FGB: variants seen among roughly 807,000 people sequenced by gnomAD.
The protein encoded by FGB is beta-fibrinogen.
FGB carries 25 observed loss-of-function variants against 57.9 expected under a neutral mutation model. The observed-to-expected ratio is 0.43, with a 90% CI of 0.31 to 0.60. FGB has a LOEUF of 0.60. Ranked by LOEUF, FGB falls within the 20% of genes least tolerant of loss-of-function variation. The pLI, the probability that FGB is intolerant of heterozygous loss-of-function variation, is 0.08. For missense variants in FGB, 536 were observed against 598.4 expected (o/e 0.90, Z 1.09); for synonymous variants, 203 against 199.2 (o/e 1.02, Z -0.16).
chr4:154,569,337 T>A (rs759391982), intron 6 of FGB, 30 bp downstream of exon 6: 1 of 1,613,638 alleles, frequency 6.2e-7, no homozygotes, highest in South Asian at 1.1e-5. Flanking sequence ...AATAAAATCA[T>A]TCTATTTGAA....
At chr4:154,567,295 A>G (rs1304211416) in intron 3 of FGB, among the ~76,000 whole-genome samples, 4 of 152,222 alleles carry the variant, frequency 2.6e-5, no homozygotes, top group Non-Finnish European at 5.9e-5. Context: ...GAAGACCCCA[A>G]TACTGCTTTC....
intron 5 of FGB, among the ~76,000 whole-genome samples, chr4:154,568,696 AT>A (rs1254004033): frequency 3.5e-4 from 24 of 67,818 alleles, no homozygotes; most frequent in African/African-American, 1.1e-3. Flanking sequence ...AAAAAAAAAA[AT>A]ACCAAAAAAA....
intron 7 of FGB, among the ~76,000 whole-genome samples, chr4:154,570,186 G>A (rs1441143857): frequency 6.6e-6 from 1 of 152,128 alleles, no homozygotes; most frequent in African/African-American, 2.4e-5. Flanking sequence ...TATTATTCCA[G>A]TATAAAGTAA....
intron 5 of FGB, among the ~76,000 whole-genome samples, chr4:154,568,856 C>CA (rs35554458): frequency 0.25 from 36,820 of 145,128 alleles, 5,898 homozygotes; most frequent in African/African-American, 0.45. Context: ...GATCCTGTCT[C>CA]AAAAAAAAAA....
Position 154,569,716 on chromosome 4 carries a change from A to T in FGB, c.1161A>T (p.Ala387=). Residue 387 remains alanine, a synonymous_variant, in exon 7 of 8, where the codon GCA becomes GCT. Transcript: ENST00000302068. ...CCGGTAATGCCCTCATGGATGGAGCATCTCAGCTGATGGGAGAAAACAGGA... is the reference window on the plus strand; with the variant it reads ...CCGGTAATGCCCTCATGGATGGAGCTTCTCAGCTGATGGGAGAAAACAGGA... ...GTAGNALMDG[A]SQLMGENRTM... 3 of 1,614,146 alleles carry T rather than the reference A, an allele frequency of 1.9e-6. No homozygotes were observed. The highest frequency in any genetic ancestry group is 2.5e-6 in the Non-Finnish European group (3 of 1,180,012).
Position 154,571,070 on chromosome 4 carries a change from A to G in FGB, c.*420A>G. The G allele has an allele frequency of 3.5e-6, 1 of 286,102 alleles. No individual in the cohort carries two copies. The highest frequency in any genetic ancestry group is 6.7e-6 in the Non-Finnish European group (1 of 149,256). 17.7% of individuals were successfully genotyped at this position (286,102 alleles called of 1,614,324 possible). ...TCCAAAAAGATTTATTAATTAAACC[A>G]GACTCTGTTGCAATAAGTTAATGTT... On this transcript the variant is annotated 3_prime_UTR_variant, in exon 8 of 8. Transcript: ENST00000302068.
chr4:154,565,458 C>G (rs565200876), intron 1 of FGB: 1 of 299,978 alleles, frequency 3.3e-6, no homozygotes, highest in Non-Finnish European at 6.5e-6. Context: ...ATCCAAGTGG[C>G]TTGAGAATAT....
At chr4:154,570,355 C>G (rs1302189589) in intron 7 of FGB, 64 bp from the exon 8 acceptor site, 7 of 1,252,312 alleles carry the variant, frequency 5.6e-6, no homozygotes, top group Admixed American at 1.8e-5. Context: ...TATGGGTAAT[C>G]TGCAAAACGT....
chr4:154,571,232 G>A lies in FGB; in HGVS notation c.*582G>A, dbSNP rs1310172907. 5 of 175,036 alleles carry A rather than the reference G, an allele frequency of 2.9e-5. No homozygotes were observed. The highest frequency in any genetic ancestry group is 5.7e-5 in the Admixed American group (1 of 17,654). The allele number at this position is 175,036 out of a possible 1,614,324, so 10.8% of individuals were successfully genotyped here. A position where few individuals can be genotyped will look rare whatever the true frequency, so the allele number is the denominator to read the frequency against. On this transcript the variant is annotated 3_prime_UTR_variant, in exon 8 of 8. Coordinates refer to ENST00000302068, the MANE Select transcript of FGB (RefSeq NM_005141.5). The stretch of plus-strand genomic sequence containing the variant: ...TAAAATCTGACTCTAGGACGGGCAC[G>A]GTGGCTCACGACTATAATCCCAACA...
intron 5 of FGB, 129 bp downstream of exon 5, chr4:154,568,623 A>C (rs1730274508): frequency 1.5e-6 from 1 of 665,030 alleles, no homozygotes; most frequent in African/African-American, 1.8e-5. Flanking sequence ...AAGTGGGCTG[A>C]TAGCTTGAGC....
At chr4:154,565,227 C>G (rs779939723) in intron 1 of FGB, 7 of 464,124 alleles carry the variant, frequency 1.5e-5, no homozygotes, top group Non-Finnish European at 3.1e-5. Flanking sequence ...TGCCCAAGGT[C>G]TCATAGCTGT....
rs372503293 is a variant in FGB, at chr4:154,571,303, C to A, written c.*653C>A. Among the ~76,000 whole-genome samples, 2 of 151,982 alleles carry A rather than the reference C, an allele frequency of 1.3e-5. No homozygotes were observed. Among genetic ancestry groups the A allele is most frequent in the African/African-American group, 2.4e-5 (1 of 41,360 alleles). ...CGGTCACAAGGTCAGGAGTTCAAGA[C>A]CAGCCTGACCAATATGGTGAAACCC... On this transcript the variant is annotated 3_prime_UTR_variant, in exon 8 of 8. Transcript: ENST00000302068.
At chr4:154,566,400 C>T (rs1054813880) in intron 2 of FGB, 89 bp from the exon 3 acceptor site, 31 of 1,196,294 alleles carry the variant, frequency 2.6e-5, no homozygotes, top group Admixed American at 3.4e-5. Flanking sequence ...GTTGGCTAAT[C>T]GTATCGCTGA....
At chr4:154,567,453 A>G (rs1730205972) in intron 3 of FGB, 140 bp from the exon 4 acceptor site, 1 of 650,872 alleles carries the variant, frequency 1.5e-6, no homozygotes, top group East Asian at 2.7e-5. Flanking sequence ...TTTCCACTAA[A>G]TATGACTATA....
rs1240941588 is a variant in FGB, at chr4:154,571,772, C to T, written c.*1122C>T. On this transcript the variant is annotated 3_prime_UTR_variant, in exon 8 of 8. Transcript: ENST00000302068. ...GGCATATCATCTCAACACTTCACTC[C>T]AAGTCGCCACGGGCAACCTTATGAC... Among the ~76,000 whole-genome samples, 3 of 152,280 alleles carry T rather than the reference C, an allele frequency of 2.0e-5. No individual in the cohort carries two copies. The East Asian group carries it at 5.8e-4, about 29-fold the overall frequency.
At chr4:154,569,115 A>G (rs765368926) in intron 5 of FGB, 67 bp from the exon 6 acceptor site, 7 of 1,544,602 alleles carry the variant, frequency 4.5e-6, no homozygotes, top group Non-Finnish European at 5.4e-6. Context: ...GGATTCAGAT[A>G]TTATTTTCAA....
chr4:154,572,029 C>T lies in FGB; in HGVS notation c.*1379C>T, dbSNP rs1031571418. Among the ~76,000 whole-genome samples, 1 of 152,152 alleles carries T rather than the reference C, an allele frequency of 6.6e-6. No homozygotes were observed. The highest frequency in any genetic ancestry group is 2.4e-5 in the African/African-American group (1 of 41,420). On this transcript the variant is annotated 3_prime_UTR_variant, in exon 8 of 8. Transcript: ENST00000302068. ...CCATACTCACCTACCGCTTTGCCAT[C>T]ACATTTAACAGAAAACTCTTATCAA...
intron 2 of FGB, 21 bp from the exon 3 acceptor site, chr4:154,566,468 T>G (rs1730163075): frequency 6.2e-7 from 1 of 1,612,266 alleles, no homozygotes; most frequent in South Asian, 1.1e-5. Context: ...ATCTAATGCC[T>G]GCTATTTTCT....
rs746963310 is a variant in FGB, at chr4:154,563,104, A to G, written c.86A>G (p.Lys29Arg). The G allele has an allele frequency of 2.6e-6, 4 of 1,561,698 alleles. No homozygotes were observed. In the South Asian group the frequency reaches 4.7e-5, roughly 18 times the overall value. ...CTACTATTGTGTGTTTTTCTAGTTA[A>G]GTCCCAAGGTGTCAACGACAATGAG... ...LLLLLCVFLV[K>R]SQGVNDNEEG... Residue 29 changes from lysine (K) to arginine (R), a missense_variant, in exon 1 of 8, where the codon AAG becomes AGG. Lys to Arg is a conservative substitution (Grantham distance 26). This residue lies in a region of FGB where 354 missense variants were observed against 383.4 expected (regional missense o/e 0.92). Coordinates refer to ENST00000302068, the MANE Select transcript of FGB (RefSeq NM_005141.5).
Sources: allele counts gnomAD v4.1 joint callset (sites outside exome capture counted in the v4.1 genomes callset), GRCh38; gene constraint gnomAD v4.1.1; regional missense constraint gnomAD v4.1.1; transcripts MANE v1.5; gene names NCBI Gene and HGNC (gene_info 2026-07-23, HGNC 2026-07-21).